The following INSL6 variants were observed in gnomAD, a reference collection of about 807,000 sequenced individuals.
The protein encoded by INSL6 is insulin-like peptide INSL6.
In INSL6, 16 loss-of-function variants were observed where a neutral mutation model predicts 9.4. The observed-to-expected ratio is 1.70, with a 90% confidence interval of 1.15 to 2.59. The LOEUF (loss-of-function observed/expected upper bound fraction) is 2.59, where lower values mean the gene tolerates loss of function less well. INSL6 is among the 30% of genes most tolerant of loss of function. INSL6 has a pLI of 0.00. For missense variants in INSL6, 391 were observed against 257.3 expected (o/e 1.52, Z -3.56); for synonymous variants, 154 against 96.9 (o/e 1.59, Z -3.46).
chr9:5,153,157 T>C (rs1270659683), intron 2 of INSL6, among the ~76,000 whole-genome samples: 1 of 151,352 alleles, frequency 6.6e-6, no homozygotes, highest in Non-Finnish European at 1.5e-5. Context: ...TTTTTTTTCA[T>C]ACCCCAGTGG....
intron 2 of INSL6, among the ~76,000 whole-genome samples, chr9:5,150,060 C>T (rs1228603966): frequency 6.6e-6 from 1 of 152,178 alleles, no homozygotes; most frequent in African/African-American, 2.4e-5. Flanking sequence ...AAGAATCAAT[C>T]TGGACTCATC....
At chr9:5,081,698 A>C in the INSL6 span, 4 of 1,519,070 alleles carry the variant, frequency 2.6e-6, no homozygotes, top group Non-Finnish European at 3.7e-6. Flanking sequence ...TGCTAATTTA[A>C]GGTGATAATA....
chr9:5,134,222 A>C (rs1205321294), intron 2 of INSL6, among the ~76,000 whole-genome samples: 4 of 152,212 alleles, frequency 2.6e-5, no homozygotes, highest in African/African-American at 9.6e-5. Context: ...CGTTTGGTGT[A>C]CCTGAAAGTT....
chr9:5,057,217 T>C, the INSL6 span, among the ~76,000 whole-genome samples: 2 of 148,758 alleles, frequency 1.3e-5, no homozygotes, highest in African/African-American at 5.2e-5. Flanking sequence ...TTCTGTTGTT[T>C]ATTAAAATTA....
At chr9:5,081,050 C>T in the INSL6 span, among the ~76,000 whole-genome samples, 3 of 151,744 alleles carry the variant, frequency 2.0e-5, no homozygotes, top group Non-Finnish European at 4.4e-5. Flanking sequence ...CGCCCGCCAC[C>T]ACACCCGGCT....
At chr9:5,052,535 T>C in the INSL6 span, among the ~76,000 whole-genome samples, 1 of 152,146 alleles carries the variant, frequency 6.6e-6, no homozygotes, top group African/African-American at 2.4e-5. Flanking sequence ...AAATATACAA[T>C]TTAATATTTT....
chr9:5,095,456 A>G, the INSL6 span, among the ~76,000 whole-genome samples: 1 of 152,168 alleles, frequency 6.6e-6, no homozygotes, highest in African/African-American at 2.4e-5. Context: ...ATCCTTTTCA[A>G]CAACCCGTCC....
At chr9:5,069,320 A>T in the INSL6 span, 1 of 673,514 alleles carries the variant, frequency 1.5e-6, no homozygotes, top group Non-Finnish European at 2.5e-6. Context: ...CAGCTCTAAA[A>T]GTTAATTTTA....
chr9:5,173,307 T>C (rs1389776870), intron 1 of INSL6, among the ~76,000 whole-genome samples: 2 of 151,554 alleles, frequency 1.3e-5, no homozygotes, highest in Non-Finnish European at 3.0e-5. Flanking sequence ...ATTACAAAGA[T>C]GCATATGTTC....
chr9:5,147,823 G>A (rs1407882117), intron 2 of INSL6, among the ~76,000 whole-genome samples: 1 of 152,148 alleles, frequency 6.6e-6, no homozygotes. Context: ...CCTCGGGTTG[G>A]TGTGTTCTTC....
At chr9:5,026,625 G>A in the INSL6 span, among the ~76,000 whole-genome samples, 1 of 152,196 alleles carries the variant, frequency 6.6e-6, no homozygotes, top group African/African-American at 2.4e-5. Flanking sequence ...TAATTGAAGT[G>A]TGGTTAGAGA....
chr9:5,112,519 G>T, the INSL6 span: 1 of 576,446 alleles, frequency 1.7e-6, no homozygotes, highest in Non-Finnish European at 3.1e-6. Context: ...TTTCCCCCCA[G>T]AGCAGAAGGC....
the INSL6 span, among the ~76,000 whole-genome samples, chr9:5,045,901 A>G: frequency 3.3e-5 from 5 of 152,110 alleles, no homozygotes; most frequent in Admixed American, 6.5e-5. Context: ...TTCAATATAT[A>G]CCCAGAAATG....
the INSL6 span, among the ~76,000 whole-genome samples, chr9:4,995,100 G>A: frequency 6.6e-6 from 1 of 152,122 alleles, no homozygotes; most frequent in South Asian, 2.1e-4. Context: ...GTTTTCAGAT[G>A]ACTTGATTGT....
chr9:5,041,260 C>G, the INSL6 span: 47 of 1,366,792 alleles, frequency 3.4e-5, no homozygotes, highest in South Asian at 5.4e-4. Context: ...TCCACATCAT[C>G]GACCTCGGGC....
chr9:5,040,920 G>A, the INSL6 span: 56 of 334,430 alleles, frequency 1.7e-4, no homozygotes, highest in African/African-American at 1.2e-3. Flanking sequence ...AGACGCTGCC[G>A]GCAGCCTGGC....
chr9:5,111,019 C>T, the INSL6 span: 5 of 788,568 alleles, frequency 6.3e-6, no homozygotes, highest in Non-Finnish European at 1.0e-5. Flanking sequence ...GAAGGGCCGG[C>T]CCGCCTCCCT....
At chr9:5,006,518 T>G in the INSL6 span, among the ~76,000 whole-genome samples, 1 of 152,202 alleles carries the variant, frequency 6.6e-6, no homozygotes, top group Non-Finnish European at 1.5e-5. Context: ...AAAAGTTGTT[T>G]AATTGACTCA....
intron 1 of INSL6, among the ~76,000 whole-genome samples, chr9:5,171,520 T>C (rs541417491): frequency 2.6e-5 from 4 of 152,264 alleles, no homozygotes; most frequent in South Asian, 4.2e-4. Flanking sequence ...GGTATTCAAA[T>C]AGGAAGAGAG....
Sources: allele counts gnomAD v4.1 joint callset (sites outside exome capture counted in the v4.1 genomes callset), GRCh38; gene constraint gnomAD v4.1.1; transcripts MANE v1.5; gene names NCBI Gene and HGNC (gene_info 2026-07-23, HGNC 2026-07-21).